Variants in PPFIA2 observed in about 807,000 individuals in gnomAD.
PPFIA2 encodes PPFI scaffold protein A2.
PPFIA2 carries 46 observed loss-of-function variants against 175.5 expected under a neutral mutation model. That is an observed-to-expected ratio of 0.26 (90% CI 0.21 to 0.34). The LOEUF (loss-of-function observed/expected upper bound fraction) is 0.34. Among genes scored for constraint, PPFIA2 ranks in the 10% least tolerant of loss-of-function variants. The pLI, the probability that PPFIA2 is intolerant of heterozygous loss-of-function variation, is 1.00. For synonymous variants in PPFIA2, 568 were observed against 511.4 expected (o/e 1.11, Z -1.49); for missense variants, 1,179 against 1,506.1 (o/e 0.78, Z 3.60).
chr12:81,392,115 G>A (rs1227918278), intron 8 of PPFIA2, among the ~76,000 whole-genome samples: 1 of 151,870 alleles, frequency 6.6e-6, no homozygotes, highest in Admixed American at 6.6e-5. Flanking sequence ...TGAATTAAGA[G>A]GTGAAAAATT....
At chr12:81,482,473 G>A (rs1415109944) in intron 4 of PPFIA2, among the ~76,000 whole-genome samples, 5 of 152,308 alleles carry the variant, frequency 3.3e-5, no homozygotes, top group African/African-American at 1.2e-4. Context: ...CAATAGCAAA[G>A]GCTTGGAACC....
chr12:81,521,270 C>A (rs191075946), intron 4 of PPFIA2, among the ~76,000 whole-genome samples: 42 of 151,770 alleles, frequency 2.8e-4, no homozygotes, highest in Admixed American at 2.4e-3. Flanking sequence ...GAGCCTTCTG[C>A]ATGCCCTCTT....
chr12:81,426,408 A>T (rs143719886), intron 7 of PPFIA2, among the ~76,000 whole-genome samples: 13 of 152,218 alleles, frequency 8.5e-5, no homozygotes, highest in Non-Finnish European at 1.8e-4. Flanking sequence ...GAGGCTTTCT[A>T]GTGATTTATT....
At chr12:81,581,511 CACACTCTA>C (rs907809246) in intron 4 of PPFIA2, among the ~76,000 whole-genome samples, 36 of 151,778 alleles carry the variant, frequency 2.4e-4, no homozygotes, top group African/African-American at 8.7e-4. Context: ...ATTTAAACTG[CACACTCTA>C]ACACTCCCTT....
At chr12:81,652,664 C>T (rs2067196706) in intron 4 of PPFIA2, among the ~76,000 whole-genome samples, 1 of 152,036 alleles carries the variant, frequency 6.6e-6, no homozygotes, top group African/African-American at 2.4e-5. Context: ...CTTTACTGCA[C>T]ATTTTTCCTC....
At chr12:81,444,152 C>A (rs1157945598) in intron 6 of PPFIA2, among the ~76,000 whole-genome samples, 1 of 152,128 alleles carries the variant, frequency 6.6e-6, no homozygotes, top group South Asian at 2.1e-4. Flanking sequence ...CCGCGCCCGG[C>A]CATGCCAACC....
At chr12:81,525,622 G>C (rs1306187166) in intron 4 of PPFIA2, among the ~76,000 whole-genome samples, 8 of 152,114 alleles carry the variant, frequency 5.3e-5, no homozygotes, top group Non-Finnish European at 1.2e-4. Flanking sequence ...GACTCACCTA[G>C]ATTGTGTCTA....
intron 3 of PPFIA2, among the ~76,000 whole-genome samples, chr12:81,707,373 T>A (rs942350818): frequency 5.3e-5 from 8 of 151,994 alleles, no homozygotes; most frequent in South Asian, 2.1e-4. Flanking sequence ...ACATGAACAG[T>A]CACTTCTCAG....
chr12:81,417,875 C>A (rs1472651388), intron 7 of PPFIA2, among the ~76,000 whole-genome samples: 1 of 151,778 alleles, frequency 6.6e-6, no homozygotes, highest in Non-Finnish European at 1.5e-5. Flanking sequence ...TCTAGTCAGT[C>A]TCACTGTAGA....
intron 4 of PPFIA2, among the ~76,000 whole-genome samples, chr12:81,556,454 T>A (rs2068873980): frequency 6.6e-6 from 1 of 151,874 alleles, no homozygotes; most frequent in South Asian, 2.1e-4. Context: ...TTCATGCACA[T>A]TAGAAGATGC....
chr12:81,322,345 A>G (rs372834989), intron 22 of PPFIA2, among the ~76,000 whole-genome samples: 6 of 152,294 alleles, frequency 3.9e-5, no homozygotes, highest in African/African-American at 1.4e-4. Flanking sequence ...CTGGAGTTCA[A>G]AGAAATCCAA....
In PPFIA2 at chr12:81,618,457, C is replaced by A. The variant is rs946415299; in HGVS notation, c.303+58334G>T. ...AAGGTAGAGAAAACTGAAATTTACT[C>A]ATTAATGTATTATTTCTGAATAATT... On this transcript the variant is annotated intron_variant, in intron 4 of 32. Coordinates refer to ENST00000549396, the MANE Select transcript of PPFIA2 (RefSeq NM_003625.5). Among the ~76,000 whole-genome samples the A allele has an allele frequency of 3.3e-5, 5 of 150,524 alleles. No homozygotes were observed. In the East Asian group the frequency reaches 7.8e-4, roughly 24 times the overall value.
intron 24 of PPFIA2, among the ~76,000 whole-genome samples, chr12:81,289,178 T>C (rs1390478905): frequency 6.6e-6 from 1 of 151,840 alleles, no homozygotes. Flanking sequence ...GAACAGTCCC[T>C]GACAGTGAGC....
intron 3 of PPFIA2, among the ~76,000 whole-genome samples, chr12:81,688,788 C>A (rs949274132): frequency 4.4e-5 from 5 of 113,590 alleles, no homozygotes; most frequent in Non-Finnish European, 8.9e-5. Context: ...AAAAACAGGG[C>A]AAGTGGTTTA....
intron 8 of PPFIA2, among the ~76,000 whole-genome samples, chr12:81,389,930 A>G (rs1014159147): frequency 1.3e-5 from 2 of 151,988 alleles, no homozygotes; most frequent in Non-Finnish European, 2.9e-5. Flanking sequence ...GAAATCTTAT[A>G]ATTATTAGCA....
At chr12:81,338,528 C>T (rs2057485827) in intron 21 of PPFIA2, among the ~76,000 whole-genome samples, 1 of 151,660 alleles carries the variant, frequency 6.6e-6, no homozygotes, top group Admixed American at 6.6e-5. Flanking sequence ...TATCTATTGC[C>T]CTATTCTTTT....
At position 81,299,324 on chromosome 12, in the gene PPFIA2, G is replaced by T; in HGVS notation, c.2701C>A (p.Pro901Thr). 1.3e-6 allele frequency: 2 copies of T among 1,596,594 alleles called. No homozygotes were observed. The highest frequency in any genetic ancestry group is 1.1e-5 in the South Asian group (1 of 87,690). ...ACCTCTAGCCATGCGACCACAGTTG[G>T]CCCATCCCACTGGGCAAAAGGTAAT... is the stretch of plus-strand genomic sequence containing the variant. ...KGLPFAQWDGPTVVAWLELWL... is the reference protein window; with the variant it reads ...KGLPFAQWDGTTVVAWLELWL... The change falls in exon 23 of 33, where the codon CCA (proline) becomes ACA (threonine). Residue 901 changes from proline to threonine, a missense_variant. Pro to Thr is a conservative substitution (Grantham distance 38). Coordinates refer to ENST00000549396, the MANE Select transcript of PPFIA2 (RefSeq NM_003625.5).
chr12:81,358,074 A>T lies in PPFIA2; in HGVS notation c.1773+8T>A. 1 of 1,576,332 alleles carries T rather than the reference A, an allele frequency of 6.3e-7. No homozygotes were observed. Among genetic ancestry groups the T allele is most frequent in the Non-Finnish European group, 8.6e-7 (1 of 1,164,976 alleles). On this transcript the variant is annotated splice_region_variant and intron_variant, in intron 16 of 32. Transcript: ENST00000549396. Reference sequence around the variant, plus strand: ...AAACTAGAGAAGAGTTGAAGTTAAAAGATTAACCTTTGGCTCATCTCTTCG... The same window carrying T: ...AAACTAGAGAAGAGTTGAAGTTAAATGATTAACCTTTGGCTCATCTCTTCG...
At chr12:81,289,608 C>G (rs1248239974) in intron 24 of PPFIA2, among the ~76,000 whole-genome samples, 3 of 151,770 alleles carry the variant, frequency 2.0e-5, no homozygotes, top group African/African-American at 7.2e-5. Flanking sequence ...AAGGATTCCT[C>G]ATTCAAATGG....
Sources: allele counts gnomAD v4.1 joint callset (sites outside exome capture counted in the v4.1 genomes callset), GRCh38; gene constraint gnomAD v4.1.1; transcripts MANE v1.5; gene names NCBI Gene and HGNC (gene_info 2026-07-23, HGNC 2026-07-21).